LIN54: variants seen among roughly 807,000 people sequenced by gnomAD.
LIN54 encodes the protein protein lin-54 homolog.
In LIN54, 9 loss-of-function variants were observed where a neutral mutation model predicts 78.7. The ratio of observed to expected loss-of-function variants is 0.11; its 90% CI spans 0.07 to 0.20. LIN54 has a LOEUF of 0.20. Among genes scored for constraint, LIN54 ranks in the 10% least tolerant of loss-of-function variants. LIN54 has a pLI of 1.00. For missense variants in LIN54, 573 were observed against 889.9 expected (o/e 0.64, Z 4.53); for synonymous variants, 269 against 318.4 (o/e 0.84, Z 1.65).
At chr4:82,986,072 G>C (rs1727104566) in intron 1 of LIN54, among the ~76,000 whole-genome samples, 2 of 152,156 alleles carry the variant, frequency 1.3e-5, no homozygotes, top group Admixed American at 6.5e-5. Context: ...TATTTGCCCA[G>C]AGAACATCAA....
intron 1 of LIN54, among the ~76,000 whole-genome samples, chr4:83,006,448 CA>C (rs1186424720): frequency 3.7e-3 from 221 of 60,054 alleles, no homozygotes; most frequent in African/African-American, 8.1e-3. Context: ...GACTCCGTCT[CA>C]AAAAAAAAAA....
At chr4:82,945,065 T>C (rs1723251505) in intron 5 of LIN54, among the ~76,000 whole-genome samples, 2 of 152,168 alleles carry the variant, frequency 1.3e-5, no homozygotes, top group African/African-American at 4.8e-5. Context: ...TTTCGCCATG[T>C]TGGCCAGACT....
intron 3 of LIN54, among the ~76,000 whole-genome samples, chr4:82,972,948 TAAAAAAAAA>T (rs35025108): frequency 1.7e-5 from 1 of 59,412 alleles, no homozygotes; most frequent in Admixed American, 1.9e-4. Flanking sequence ...AGAATCCCTC[TAAAAAAAAA>T]AAAAAAAAAA....
intron 2 of LIN54, among the ~76,000 whole-genome samples, chr4:82,982,266 T>C (rs1461859071): frequency 6.6e-6 from 1 of 152,200 alleles, no homozygotes; most frequent in Non-Finnish European, 1.5e-5. Flanking sequence ...GGTTTTCCTG[T>C]AGCCCAGGCT....
In LIN54 at chr4:82,939,879, T is replaced by C. The variant is rs1048493033; in HGVS notation, c.1242+10A>G. The C allele has an allele frequency of 1.2e-6, 2 of 1,608,598 alleles. No homozygotes were observed. The highest frequency in any genetic ancestry group is 1.7e-6 in the Non-Finnish European group (2 of 1,176,522). The stretch of plus-strand genomic sequence containing the variant: ...GGGAAAGACTGAGAAAGAAGTTATG[T>C]GATACTTACTTGTTTGACAGCCTGA... On this transcript the variant is annotated intron_variant, in intron 6 of 12. Coordinates refer to ENST00000340417, the MANE Select transcript of LIN54 (RefSeq NM_194282.4).
chr4:83,004,073 G>A (rs547339208), intron 1 of LIN54, among the ~76,000 whole-genome samples: 1 of 152,278 alleles, frequency 6.6e-6, no homozygotes, highest in Non-Finnish European at 1.5e-5. Flanking sequence ...GAAGAGTGGT[G>A]TAGAAATTGA....
rs1723450095 is a variant in LIN54, at chr4:82,947,231, ATATATTT to A, written c.952-764_952-758del. On this transcript the variant is annotated intron_variant, in intron 4 of 12. Coordinates refer to ENST00000340417, the MANE Select transcript of LIN54 (RefSeq NM_194282.4). ...TTTATATATATATATATATATATATATATATTTTTTTTTTTTTTGAAGACAGGGTCTC... is the reference window on the plus strand; with the variant it reads ...TTTATATATATATATATATATATATATTTTTTTTTTTGAAGACAGGGTCTC... Among the ~76,000 whole-genome samples, 3 of 13,950 alleles carry A rather than the reference ATATATTT, an allele frequency of 2.2e-4. No individual in the cohort carries two copies. The Admixed American group carries it at 2.7e-3, about 12-fold the overall frequency. The allele number at this position is 13,950 out of a possible 152,430, so 9.2% of individuals were successfully genotyped here.
At chr4:82,970,282 C>T in intron 4 of LIN54, 45 bp downstream of exon 4, 3 of 1,569,548 alleles carry the variant, frequency 1.9e-6, no homozygotes, top group Non-Finnish European at 2.6e-6. Flanking sequence ...AAAATAAAGG[C>T]ATCAACCACA....
At chr4:82,998,045 C>CAT (rs1728384871) in intron 1 of LIN54, among the ~76,000 whole-genome samples, 2 of 16,654 alleles carry the variant, frequency 1.2e-4, no homozygotes, top group South Asian at 3.9e-3. Context: ...TATACACACA[C>CAT]GTATATATAT....
At position 83,004,530 on chromosome 4, in the gene LIN54, G is replaced by A. The variant is rs1189191149; in HGVS notation, c.-33+5954C>T. Among the ~76,000 whole-genome samples the A allele has an allele frequency of 5.6e-5, 8 of 143,804 alleles. No homozygotes were observed. The East Asian group carries it at 5.8e-4, about 10-fold the overall frequency. 94.3% of individuals were successfully genotyped at this position (143,804 alleles called of 152,430 possible). ...TTTTGAGATAGTGTCTTGCTCTGTC[G>A]TCAGGCTAGAGTGCAATGCCAAGAT... On this transcript the variant is annotated intron_variant, in intron 1 of 12. Coordinates refer to ENST00000340417, the MANE Select transcript of LIN54 (RefSeq NM_194282.4).
chr4:82,957,014 T>C (rs1244615189), intron 4 of LIN54, among the ~76,000 whole-genome samples: 1 of 152,224 alleles, frequency 6.6e-6, no homozygotes, highest in African/African-American at 2.4e-5. Flanking sequence ...ATAGAACCTA[T>C]GACTTGTAGT....
At position 83,004,398 on chromosome 4, in the gene LIN54, CAAAAAAAA is replaced by C. The variant is rs34722830; in HGVS notation, c.-33+6078_-33+6085del. Among the ~76,000 whole-genome samples the C allele has an allele frequency of 8.5e-4, 86 of 100,940 alleles. 1 individual carries two copies. In the East Asian group the frequency reaches 9.0e-3, roughly 11 times the overall value. 66.2% of individuals were successfully genotyped at this position (100,940 alleles called of 152,430 possible). A position where few individuals can be genotyped will look rare whatever the true frequency, so the allele number is the denominator to read the frequency against. ...TGGGTGACAGAGTGAGACTCCGTTG[CAAAAAAAA>C]AAAAAAAAAAGAAAGAAAGAAAGAA... is the stretch of plus-strand genomic sequence containing the variant. On this transcript the variant is annotated intron_variant, in intron 1 of 12. Coordinates refer to ENST00000340417, the MANE Select transcript of LIN54 (RefSeq NM_194282.4).
At chr4:82,992,118 A>C (rs568682526) in intron 1 of LIN54, among the ~76,000 whole-genome samples, 1 of 152,342 alleles carries the variant, frequency 6.6e-6, no homozygotes, top group Non-Finnish European at 1.5e-5. Context: ...TTAACTATAA[A>C]TTCATTTCCT....
At chr4:82,934,538 T>C (rs372496721) in intron 11 of LIN54, among the ~76,000 whole-genome samples, 22 of 152,346 alleles carry the variant, frequency 1.4e-4, no homozygotes, top group Admixed American at 9.8e-4. Flanking sequence ...AGAGGAGTAT[T>C]TGACTTTGTA....
chr4:82,987,730 A>G (rs1578619615), intron 1 of LIN54, among the ~76,000 whole-genome samples: 1 of 152,198 alleles, frequency 6.6e-6, no homozygotes, highest in South Asian at 2.1e-4. Context: ...TTATGGCTGC[A>G]TAGTATTCCA....
chr4:82,939,134 G>A (rs538065890), intron 7 of LIN54, among the ~76,000 whole-genome samples: 3 of 152,172 alleles, frequency 2.0e-5, no homozygotes, highest in Non-Finnish European at 4.4e-5. Context: ...GCATCTCACA[G>A]TTTATTTTCC....
intron 5 of LIN54, among the ~76,000 whole-genome samples, chr4:82,943,226 C>T (rs545624223): frequency 6.6e-6 from 1 of 152,192 alleles, no homozygotes; most frequent in South Asian, 2.1e-4. Flanking sequence ...AGAAACCATA[C>T]CTGCAAGTGT....
chr4:82,997,994 C>CAA (rs58344267), intron 1 of LIN54, among the ~76,000 whole-genome samples: 12 of 105,240 alleles, frequency 1.1e-4, no homozygotes, highest in South Asian at 5.2e-4. Context: ...AACTCCATCT[C>CAA]AAAAAAAAAA....
intron 4 of LIN54, among the ~76,000 whole-genome samples, chr4:82,961,071 T>A (rs551882093): frequency 6.6e-5 from 10 of 152,142 alleles, no homozygotes; most frequent in Admixed American, 3.9e-4. Context: ...AATAAATTTT[T>A]AAAAAATTTT....
Sources: gnomAD v4.1 joint callset for allele counts (sites outside exome capture counted in the v4.1 genomes callset) on GRCh38, gnomAD v4.1.1 for gene constraint, MANE v1.5 for transcripts, NCBI Gene and HGNC (gene_info 2026-07-23, HGNC 2026-07-21) for gene names.